PRKCE: variants seen among roughly 807,000 people sequenced by gnomAD.
The protein encoded by PRKCE is protein kinase C epsilon, also known as protein kinase C epsilon type.
In PRKCE, 16 loss-of-function variants were observed where a neutral mutation model predicts 85.4. That is an observed-to-expected ratio of 0.19 (90% CI 0.13 to 0.28). The LOEUF (loss-of-function observed/expected upper bound fraction) is 0.28, where lower values mean the gene tolerates loss of function less well. PRKCE is among the 10% of genes least tolerant of loss of function. The pLI is 1.00. For missense variants in PRKCE, 573 were observed against 975.2 expected (o/e 0.59, Z 5.49); for synonymous variants, 388 against 371.5 (o/e 1.04, Z -0.51).
chr2:46,028,849 C>T (rs1707315603), intron 10 of PRKCE, among the ~76,000 whole-genome samples: 2 of 152,134 alleles, frequency 1.3e-5, no homozygotes, highest in South Asian at 4.1e-4. Flanking sequence ...CATGTTGTTC[C>T]CCTCTATGTG....
intron 12 of PRKCE, among the ~76,000 whole-genome samples, chr2:46,150,252 G>C (rs759143655): frequency 1.3e-5 from 2 of 152,206 alleles, no homozygotes; most frequent in Admixed American, 6.5e-5. Context: ...AGACAGCATA[G>C]ATAAGACAAG....
chr2:45,692,148 C>T (rs1677778823), intron 1 of PRKCE, among the ~76,000 whole-genome samples: 1 of 152,064 alleles, frequency 6.6e-6, no homozygotes, highest in African/African-American at 2.4e-5. Flanking sequence ...GAGGAGTCTA[C>T]AAAGGTAAAT....
chr2:45,919,334 C>T (rs775033889), intron 2 of PRKCE, among the ~76,000 whole-genome samples: 7 of 152,200 alleles, frequency 4.6e-5, no homozygotes, highest in South Asian at 4.1e-4. Context: ...GGCTTGGAGA[C>T]GGACACCTGC....
At chr2:45,833,411 T>C (rs1272252601) in intron 1 of PRKCE, among the ~76,000 whole-genome samples, 1 of 152,176 alleles carries the variant, frequency 6.6e-6, no homozygotes, top group African/African-American at 2.4e-5. Flanking sequence ...AAGAAAGACA[T>C]GGCTTAGCAG....
chr2:45,670,749 C>T (rs757338136), intron 1 of PRKCE, among the ~76,000 whole-genome samples: 3 of 152,182 alleles, frequency 2.0e-5, no homozygotes, highest in African/African-American at 4.8e-5. Context: ...GAAAGACTGA[C>T]GAAGGATTTG....
intron 1 of PRKCE, among the ~76,000 whole-genome samples, chr2:45,692,125 C>T (rs2104080289): frequency 6.6e-6 from 1 of 152,156 alleles, no homozygotes; most frequent in Non-Finnish European, 1.5e-5. Flanking sequence ...GTTTTAAGGG[C>T]TCTATGGACA....
intron 2 of PRKCE, among the ~76,000 whole-genome samples, chr2:45,941,659 T>C (rs1699886189): frequency 6.6e-6 from 1 of 152,164 alleles, no homozygotes; most frequent in African/African-American, 2.4e-5. Flanking sequence ...ACTGAGGACC[T>C]GCTGAGCTAA....
chr2:45,694,517 G>T (rs1356788146), intron 1 of PRKCE, among the ~76,000 whole-genome samples: 1 of 152,178 alleles, frequency 6.6e-6, no homozygotes, highest in Non-Finnish European at 1.5e-5. Flanking sequence ...CTGTCTTCAT[G>T]GAACTTATGT....
chr2:45,904,145 C>G (rs1028931785), intron 2 of PRKCE, among the ~76,000 whole-genome samples: 1 of 152,094 alleles, frequency 6.6e-6, no homozygotes, highest in African/African-American at 2.4e-5. Flanking sequence ...CTCAAGTGAT[C>G]TGCCCTCCTC....
At chr2:45,767,425 C>G (rs1684997877) in intron 1 of PRKCE, among the ~76,000 whole-genome samples, 1 of 152,182 alleles carries the variant, frequency 6.6e-6, no homozygotes, top group Non-Finnish European at 1.5e-5. Flanking sequence ...TTATGCTTAT[C>G]CAAAAGTCTT....
intron 6 of PRKCE, among the ~76,000 whole-genome samples, chr2:45,990,012 G>A (rs983504697): frequency 1.3e-5 from 2 of 152,166 alleles, no homozygotes; most frequent in Non-Finnish European, 2.9e-5. Flanking sequence ...CACACACACT[G>A]CGTTAGAGTC....
intron 14 of PRKCE, among the ~76,000 whole-genome samples, chr2:46,164,091 C>A (rs1678075398): frequency 6.6e-6 from 1 of 152,174 alleles, no homozygotes; most frequent in South Asian, 2.1e-4. Context: ...ATGTGAGATG[C>A]CTTCCTAGCA....
intron 13 of PRKCE, among the ~76,000 whole-genome samples, chr2:46,154,892 T>C (rs1018908108): frequency 1.3e-5 from 2 of 152,154 alleles, no homozygotes; most frequent in Non-Finnish European, 2.9e-5. Context: ...CTGAGCTTCG[T>C]GAGGGCAGGA....
rs1464648274 is a variant in PRKCE at position 45,999,474 on chromosome 2, T to A, written c.824-1930T>A. 2.0e-5 allele frequency among the ~76,000 whole-genome samples: 3 copies of A among 151,616 alleles called. No individual in the cohort carries two copies. In the East Asian group the frequency reaches 5.8e-4, roughly 29 times the overall value. ...TTTTTCCTCCTTTATAGGTAAAACT[T>A]TTTTTTTTCCTTTGACTTCTTTCAG... On this transcript the variant is annotated intron_variant, in intron 6 of 14. Transcript: ENST00000306156.
intron 2 of PRKCE, among the ~76,000 whole-genome samples, chr2:45,876,688 T>C (rs1359013236): frequency 6.6e-6 from 1 of 152,238 alleles, no homozygotes; most frequent in African/African-American, 2.4e-5. Context: ...AGTCACTCTC[T>C]CTTATGCCTG....
At chr2:45,956,328 A>G (rs1048019013) in intron 2 of PRKCE, among the ~76,000 whole-genome samples, 7 of 152,194 alleles carry the variant, frequency 4.6e-5, no homozygotes, top group Non-Finnish European at 1.5e-5. Flanking sequence ...TTTCATTTGA[A>G]TAAATATCTG....
intron 1 of PRKCE, among the ~76,000 whole-genome samples, chr2:45,661,512 TTTTG>T (rs1400995136): frequency 1.6e-4 from 20 of 125,090 alleles, no homozygotes; most frequent in African/African-American, 6.1e-4. Flanking sequence ...TTTTGTTTTG[TTTTG>T]TTTTTTGTTT....
intron 3 of PRKCE, chr2:45,978,088 C>G (rs1398894067): frequency 6.6e-6 from 1 of 152,242 alleles, no homozygotes; most frequent in Non-Finnish European, 1.5e-5. Flanking sequence ...TCAGAGCAAG[C>G]CCAGCCCAAC....
chr2:45,949,426 G>GT (rs34381919), intron 2 of PRKCE, among the ~76,000 whole-genome samples: 78,243 of 114,046 alleles, frequency 0.69, 26,332 homozygotes, highest in Middle Eastern at 0.78. Flanking sequence ...TTTGATTGTT[G>GT]TTTTTTTTTT....
Sources: gnomAD v4.1 joint callset for allele counts (sites outside exome capture counted in the v4.1 genomes callset) on GRCh38, gnomAD v4.1.1 for gene constraint, MANE v1.5 for transcripts, NCBI Gene and HGNC (gene_info 2026-07-23, HGNC 2026-07-21) for gene names.